DLGAP2: variants seen among roughly 807,000 people sequenced by gnomAD.
DLGAP2 encodes the protein disks large-associated protein 2.
DLGAP2 carries 26 observed loss-of-function variants against 100.3 expected under a neutral mutation model. The ratio of observed to expected loss-of-function variants is 0.26; its 90% CI spans 0.19 to 0.36. The LOEUF (loss-of-function observed/expected upper bound fraction) is 0.36. Among genes scored for constraint, DLGAP2 ranks in the 10% least tolerant of loss-of-function variants. The pLI, the probability that DLGAP2 is intolerant of heterozygous loss-of-function variation, is 1.00. For missense variants in DLGAP2, 1,858 were observed against 1,453.2 expected, an observed-to-expected ratio of 1.28 and a Z score of -4.53; for synonymous variants, 886 against 630.1, an observed-to-expected ratio of 1.41 and a Z score of -6.08.
intron 1 of DLGAP2, among the ~76,000 whole-genome samples, chr8:869,680 G>C (rs1797560987): frequency 1.3e-5 from 2 of 152,224 alleles, no homozygotes; most frequent in Admixed American, 6.5e-5. Flanking sequence ...ATATGCGCAT[G>C]TTTTGAACCG....
At chr8:1,083,321 C>T (rs564317261) in intron 2 of DLGAP2, among the ~76,000 whole-genome samples, 6 of 152,296 alleles carry the variant, frequency 3.9e-5, no homozygotes, top group Admixed American at 1.3e-4. Flanking sequence ...TAATTCTTCA[C>T]GGGCTGAAGG....
chr8:1,653,613 G>A (rs1798216783), intron 8 of DLGAP2, among the ~76,000 whole-genome samples: 2 of 152,240 alleles, frequency 1.3e-5, no homozygotes, highest in African/African-American at 4.8e-5. Flanking sequence ...TCCGTGGGCA[G>A]AGGGCAAGTC....
At chr8:1,308,702 T>G (rs1326176328) in intron 3 of DLGAP2, among the ~76,000 whole-genome samples, 1 of 152,162 alleles carries the variant, frequency 6.6e-6, no homozygotes, top group East Asian at 1.9e-4. Flanking sequence ...ATTTTGCATT[T>G]TTAATAGAAA....
chr8:1,313,596 G>T (rs1284798822), intron 3 of DLGAP2, among the ~76,000 whole-genome samples: 1 of 152,158 alleles, frequency 6.6e-6, no homozygotes, highest in Non-Finnish European at 1.5e-5. Context: ...CACTTCCTCA[G>T]GCCATTCAGT....
chr8:835,085 G>A (rs1553408), intron 1 of DLGAP2, among the ~76,000 whole-genome samples: 16,709 of 152,144 alleles, frequency 0.11, 1,486 homozygotes, highest in East Asian at 0.52. Flanking sequence ...TGGTGTGCAC[G>A]TGTGTTAATG....
At chr8:937,202 A>T (rs1799091710) in intron 2 of DLGAP2, among the ~76,000 whole-genome samples, 2 of 152,164 alleles carry the variant, frequency 1.3e-5, no homozygotes, top group South Asian at 4.1e-4. Context: ...GGAAAATGCT[A>T]TCATTTAGAA....
chr8:1,367,303 G>T (rs1802131489), intron 3 of DLGAP2, among the ~76,000 whole-genome samples: 1 of 152,224 alleles, frequency 6.6e-6, no homozygotes, highest in Non-Finnish European at 1.5e-5. Context: ...TCTAGGAATT[G>T]ATGCCTGAAG....
At chr8:831,727 A>G (rs573929970) in intron 1 of DLGAP2, among the ~76,000 whole-genome samples, 7 of 152,302 alleles carry the variant, frequency 4.6e-5, no homozygotes, top group Admixed American at 3.3e-4. Context: ...TTGGGTATAT[A>G]CCCAGTAATT....
intron 4 of DLGAP2, among the ~76,000 whole-genome samples, chr8:1,546,763 G>C (rs1180733949): frequency 1.3e-5 from 2 of 152,148 alleles, no homozygotes; most frequent in Non-Finnish European, 2.9e-5. Context: ...ACTGCAAGCA[G>C]GGGTGCATCT....
chr8:1,312,770 C>G (rs1304016432), intron 3 of DLGAP2, among the ~76,000 whole-genome samples: 1 of 152,172 alleles, frequency 6.6e-6, no homozygotes, highest in Admixed American at 6.5e-5. Flanking sequence ...TAGAAGTGCC[C>G]ATATGCTCAC....
intron 2 of DLGAP2, among the ~76,000 whole-genome samples, chr8:1,060,712 G>A (rs1287922014): frequency 6.6e-6 from 1 of 152,222 alleles, no homozygotes. Flanking sequence ...TGATGGTGGT[G>A]TCCTCACTGA....
chr8:1,449,646 G>C (rs1402949133), intron 3 of DLGAP2, among the ~76,000 whole-genome samples: 1 of 152,166 alleles, frequency 6.6e-6, no homozygotes, highest in African/African-American at 2.4e-5. Flanking sequence ...GGGTCCCTGG[G>C]CCACACTTGG....
At chr8:1,628,574 G>C (rs1332831782) in intron 7 of DLGAP2, among the ~76,000 whole-genome samples, 3 of 151,288 alleles carry the variant, frequency 2.0e-5, no homozygotes, top group Admixed American at 6.6e-5. Flanking sequence ...TTAAGAGCTT[G>C]AGCCGACCTC....
rs112728884 is a variant in DLGAP2 at position 1,640,810 on chromosome 8, G to A, written c.1810+7764G>A. ...AGACTTGTGTTTTACAGTAAATGAC[G>A]AAATGCAGTCCAGATACCTAAAAGA... On this transcript the variant is annotated intron_variant, in intron 8 of 14. Coordinates refer to ENST00000637795, the MANE Select transcript of DLGAP2 (RefSeq NM_001346810.2). Among the ~76,000 whole-genome samples, 855 of 152,298 alleles carry A rather than the reference G, an allele frequency of 5.6e-3. 3 individuals carry two copies. The highest frequency in any genetic ancestry group is 8.4e-3 in the Non-Finnish European group (572 of 68,030).
At chr8:839,601 G>A (rs1796943942) in intron 1 of DLGAP2, among the ~76,000 whole-genome samples, 1 of 152,172 alleles carries the variant, frequency 6.6e-6, no homozygotes, top group Non-Finnish European at 1.5e-5. Flanking sequence ...TGGCCAAAGG[G>A]TACAGAAGTT....
At chr8:1,527,106 A>G (rs554828141) in intron 4 of DLGAP2, among the ~76,000 whole-genome samples, 11 of 151,966 alleles carry the variant, frequency 7.2e-5, no homozygotes, top group African/African-American at 2.7e-4. Flanking sequence ...CCACAGCTTC[A>G]CATCGTCTAC....
chr8:1,041,517 T>C (rs1235164091), intron 2 of DLGAP2, among the ~76,000 whole-genome samples: 1 of 152,130 alleles, frequency 6.6e-6, no homozygotes, highest in East Asian at 1.9e-4. Flanking sequence ...AGAAAAGTGT[T>C]CTCTGAGCCC....
intron 1 of DLGAP2, among the ~76,000 whole-genome samples, chr8:807,143 G>A (rs1476955558): frequency 6.6e-6 from 1 of 152,198 alleles, no homozygotes; most frequent in African/African-American, 2.4e-5. Flanking sequence ...TTTCCCAGTG[G>A]GCTGGTGGCA....
chr8:1,623,431 G>A (rs1431725176), intron 6 of DLGAP2, among the ~76,000 whole-genome samples: 3 of 150,846 alleles, frequency 2.0e-5, no homozygotes, highest in Non-Finnish European at 4.4e-5. Flanking sequence ...TTGATGACCT[G>A]ACACCAGTGC....
Sources: allele counts gnomAD v4.1 joint callset (sites outside exome capture counted in the v4.1 genomes callset), GRCh38; gene constraint gnomAD v4.1.1; transcripts MANE v1.5; gene names NCBI Gene and HGNC (gene_info 2026-07-23, HGNC 2026-07-21).